C4orf51: variants seen among roughly 807,000 people sequenced by gnomAD.
C4orf51 encodes uncharacterized protein C4orf51.
Under a neutral mutation model 25.2 loss-of-function variants are expected in C4orf51, and 25 were observed. That is an observed-to-expected ratio of 0.99 (90% confidence interval 0.72 to 1.39). The LOEUF is 1.39. C4orf51 is among the 40% of genes most tolerant of loss of function. The pLI, the probability that C4orf51 is intolerant of heterozygous loss-of-function variation, is 0.00. For missense variants in C4orf51, 252 were observed against 239.6 expected, an observed-to-expected ratio of 1.05 and a Z score of -0.34; for synonymous variants, 100 against 84.5, an observed-to-expected ratio of 1.18 and a Z score of -1.01.
chr4:145,790,066 T>G, the C4orf51 span, among the ~76,000 whole-genome samples: 1 of 152,226 alleles, frequency 6.6e-6, no homozygotes, highest in Non-Finnish European at 1.5e-5. Flanking sequence ...ATGAGACCCT[T>G]ATAGTCTGTT....
At position 145,732,548 on chromosome 4, in the gene C4orf51, G is replaced by C. The variant is rs771966446; in HGVS notation, c.597G>C (p.Ser199=). ...YSDYGWGGPS[S]PFN The stretch of plus-strand genomic sequence containing the variant: ...ATTATGGCTGGGGAGGACCCTCATC[G>C]CCATTTAACTGAGTTGGAAAATGAA... Residue 199 remains serine (S), a synonymous_variant, in exon 6 of 6, where the codon TCG becomes TCC. Coordinates refer to ENST00000438731, the MANE Select transcript of C4orf51 (RefSeq NM_001080531.3). The C allele has an allele frequency of 1.9e-6, 3 of 1,606,652 alleles. No homozygotes were observed. The highest frequency in any genetic ancestry group is 1.9e-4 in the Middle Eastern group (1 of 5,340).
chr4:145,689,006 A>G (rs2126665273), intron 1 of C4orf51, among the ~76,000 whole-genome samples: 1 of 152,330 alleles, frequency 6.6e-6, no homozygotes, highest in South Asian at 2.1e-4. Flanking sequence ...ATAAACAAAG[A>G]CCAGTGGAGC....
At chr4:145,734,887 A>G (rs1384550659), downstream of C4orf51, among the ~76,000 whole-genome samples, 1 of 152,142 alleles carries the variant, frequency 6.6e-6, no homozygotes, top group Non-Finnish European at 1.5e-5. Context: ...TTTGTGGAGC[A>G]AGACTTCCCG....
chr4:145,697,173 C>G (rs1284738274), intron 2 of C4orf51, among the ~76,000 whole-genome samples: 1 of 150,340 alleles, frequency 6.7e-6, no homozygotes, highest in African/African-American at 2.5e-5. Context: ...GATCTTGGCT[C>G]GCTGCAAACT....
At position 145,761,696 on chromosome 4, in the gene C4orf51, A is replaced by C. The variant is rs1048492491; in HGVS notation, n.167-9292A>C. The C allele has an allele frequency of 1.1e-5, 8 of 760,144 alleles. No homozygotes were observed. The highest frequency in any genetic ancestry group is 9.4e-5 in the Admixed American group (3 of 31,938). The allele number at this position is 760,144 out of a possible 1,614,324, so 47.1% of individuals were successfully genotyped here. On this transcript the variant is annotated intron_variant and non_coding_transcript_variant, in intron 1 of 1. Transcript: ENST00000510096. The surrounding 1 kb of genome is among the most constrained non-coding windows in gnomAD (Gnocchi z 6.8). ...CCAGCCTTCCCTCACACCACCCCCC[A>C]GTGTCTGAGGCCTGGCCTGCCCAGC...
intron 1 of C4orf51, among the ~76,000 whole-genome samples, chr4:145,681,592 C>A (rs1329965140): frequency 6.6e-6 from 1 of 152,098 alleles, no homozygotes; most frequent in Non-Finnish European, 1.5e-5. Flanking sequence ...TAACACAATA[C>A]CACAGACTGG....
At chr4:145,788,582 A>G in the C4orf51 span, among the ~76,000 whole-genome samples, 1 of 152,258 alleles carries the variant, frequency 6.6e-6, no homozygotes, top group African/African-American at 2.4e-5. Context: ...ACCTTATTGA[A>G]TAAATGATAT....
At chr4:145,722,020 A>G (rs1731767353) in intron 2 of C4orf51, among the ~76,000 whole-genome samples, 2 of 152,180 alleles carry the variant, frequency 1.3e-5, no homozygotes, top group South Asian at 4.1e-4. Context: ...CCGTTTACAA[A>G]ATATAATAGA....
chr4:145,704,530 T>C (rs1730672839), intron 2 of C4orf51, among the ~76,000 whole-genome samples: 1 of 152,264 alleles, frequency 6.6e-6, no homozygotes, highest in Non-Finnish European at 1.5e-5. Context: ...ATTAGCTAAC[T>C]GTATATGCGT....
At position 145,747,721 on chromosome 4, in the gene C4orf51, CCT is replaced by C. The variant is rs1240572064; in HGVS notation, n.168-6477_168-6476del. On this transcript the variant is annotated intron_variant and non_coding_transcript_variant, in intron 1 of 1. Coordinates refer to the C4orf51 transcript ENST00000508981. ...TCCTTCCTTCTTTCCTTCCTTCCTT[CCT>C]CTCTCTCTTTCTCTTTTTCTTTTCC... 1.2e-4 allele frequency among the ~76,000 whole-genome samples: 14 copies of C among 120,584 alleles called. No homozygotes were observed. In the South Asian group the frequency reaches 1.5e-3, roughly 13 times the overall value. 79.1% of individuals were successfully genotyped at this position (120,584 alleles called of 152,430 possible).
intron 2 of C4orf51, among the ~76,000 whole-genome samples, chr4:145,714,408 C>T (rs1731291657): frequency 6.6e-6 from 1 of 152,124 alleles, no homozygotes; most frequent in Non-Finnish European, 1.5e-5. Context: ...GGATCTAGTA[C>T]AGTTTTATTA....
intron 2 of C4orf51, among the ~76,000 whole-genome samples, chr4:145,714,314 T>A (rs1440087091): frequency 6.6e-6 from 1 of 152,174 alleles, no homozygotes; most frequent in African/African-American, 2.4e-5. Flanking sequence ...ATGAAGCAAA[T>A]TAAATATCCA....
chr4:145,744,087 T>G (rs1733235974), intron 1 of C4orf51, among the ~76,000 whole-genome samples: 1 of 152,236 alleles, frequency 6.6e-6, no homozygotes, highest in Non-Finnish European at 1.5e-5. Flanking sequence ...CTTATTTATT[T>G]CCATTCCTTA....
rs149174732 is a variant in C4orf51 at position 145,703,930 on chromosome 4, A to G, written c.307+7298A>G. 2.1e-3 allele frequency among the ~76,000 whole-genome samples: 314 copies of G among 152,362 alleles called. 2 individuals are homozygous for G. Among genetic ancestry groups the G allele is most frequent in the African/African-American group, 6.5e-3 (269 of 41,586 alleles). On this transcript the variant is annotated intron_variant, in intron 2 of 5. Coordinates refer to ENST00000438731, the MANE Select transcript of C4orf51 (RefSeq NM_001080531.3). The stretch of plus-strand genomic sequence containing the variant: ...ACTGATGTGAGGCAGAGTGATTAAT[A>G]AAAGAAAAGGCATAAAAATTTATTT...
intron 1 of C4orf51, among the ~76,000 whole-genome samples, chr4:145,689,140 CAA>C (rs1409263383): frequency 6.6e-6 from 1 of 151,966 alleles, no homozygotes. Flanking sequence ...AATTAAATAA[CAA>C]AGTGTAAAAG....
intron 1 of C4orf51, among the ~76,000 whole-genome samples, chr4:145,688,093 C>G (rs576531564): frequency 6.7e-6 from 1 of 150,072 alleles, no homozygotes; most frequent in Non-Finnish European, 1.5e-5. Context: ...TCCAGCTACT[C>G]GGGAGGCTGA....
At chr4:145,690,346 A>T (rs1427986649) in intron 1 of C4orf51, among the ~76,000 whole-genome samples, 4 of 148,822 alleles carry the variant, frequency 2.7e-5, no homozygotes, top group Non-Finnish European at 5.9e-5. Flanking sequence ...TCTACTAAAA[A>T]TACAAAAAAT....
chr4:145,705,075 T>A (rs766325715), intron 2 of C4orf51, among the ~76,000 whole-genome samples: 1 of 152,172 alleles, frequency 6.6e-6, no homozygotes, highest in Non-Finnish European at 1.5e-5. Context: ...TGCTAACACT[T>A]GAGAGGAGAG....
downstream of C4orf51, among the ~76,000 whole-genome samples, chr4:145,736,643 A>G (rs188253789): frequency 1.3e-5 from 2 of 152,282 alleles, no homozygotes; most frequent in Admixed American, 1.3e-4. Flanking sequence ...TTGCTCTCCA[A>G]TCGGCTTGGC....
Sources: gnomAD v4.1 joint callset for allele counts (sites outside exome capture counted in the v4.1 genomes callset) on GRCh38, gnomAD v4.1.1 for gene constraint, Gnocchi (gnomAD v3.1) non-coding constraint, MANE v1.5 for transcripts, NCBI Gene and HGNC (gene_info 2026-07-23, HGNC 2026-07-21) for gene names.